DNAH10: variants seen among roughly 807,000 people sequenced by gnomAD.
The protein encoded by DNAH10 is axonemal beta dynein heavy chain 10.
DNAH10 carries 348 observed loss-of-function variants against 506.6 expected under a neutral mutation model. The observed-to-expected ratio is 0.69, with a 90% CI of 0.63 to 0.75. DNAH10 has a LOEUF of 0.75. Among genes scored for constraint, DNAH10 ranks in the 30% least tolerant of loss-of-function variants. The pLI is 0.00. For missense variants in DNAH10, 5,179 were observed against 5,787.1 expected, an observed-to-expected ratio of 0.89 and a Z score of 3.41; for synonymous variants, 2,059 against 2,198.6, an observed-to-expected ratio of 0.94 and a Z score of 1.78.
chr12:123,890,586 A>G (rs1952937664), intron 52 of DNAH10, among the ~76,000 whole-genome samples: 1 of 152,086 alleles, frequency 6.6e-6, no homozygotes, highest in African/African-American at 2.4e-5. Flanking sequence ...GCACCCAGCC[A>G]AGATTTATGT....
At chr12:123,871,656 G>A in intron 45 of DNAH10, 54 bp downstream of exon 45, 1 of 1,522,610 alleles carries the variant, frequency 6.6e-7, no homozygotes, top group African/African-American at 1.4e-5. Context: ...TTATTCCAGT[G>A]CATAGCAGCT....
intron 1 of DNAH10, among the ~76,000 whole-genome samples, chr12:123,766,033 T>C (rs1957033181): frequency 6.6e-6 from 1 of 152,116 alleles, no homozygotes; most frequent in African/African-American, 2.4e-5. Context: ...TACATCTATC[T>C]CTGTCTATAC....
chr12:123,898,052 TG>T, intron 55 of DNAH10, 85 bp downstream of exon 55: 1 of 1,323,860 alleles, frequency 7.6e-7, no homozygotes, highest in Non-Finnish European at 1.0e-6. Flanking sequence ...TTTAGTAAGA[TG>T]GGGCATCTTC....
rs754510020 is a variant in DNAH10 at position 123,840,030 on chromosome 12, G to A, written c.5137-1292G>A. 5.3e-5 allele frequency among the ~76,000 whole-genome samples: 8 copies of A among 152,132 alleles called. No individual in the cohort carries two copies. The East Asian group carries it at 7.7e-4, about 15-fold the overall frequency. ...CTGGGCAGGGGCTCTGAGCCTCGGC[G>A]CTGCTGGCATTTGGGGCTGGATGAC... On this transcript the variant is annotated intron_variant, in intron 29 of 78. Coordinates refer to ENST00000673944, the MANE Select transcript of DNAH10 (RefSeq NM_001372106.1).
intron 32 of DNAH10, among the ~76,000 whole-genome samples, chr12:123,847,435 A>G (rs554908438): frequency 4.4e-4 from 67 of 152,228 alleles, no homozygotes; most frequent in Admixed American, 1.8e-3. Flanking sequence ...TGCCATCTGC[A>G]AGCTGGAGGA....
intron 51 of DNAH10, among the ~76,000 whole-genome samples, chr12:123,882,414 A>G (rs1313599666): frequency 1.3e-5 from 2 of 152,206 alleles, no homozygotes; most frequent in Admixed American, 6.5e-5. Flanking sequence ...AGACCATACA[A>G]TCCACACATT....
Position 123,913,254 on chromosome 12 carries a change from A to G in DNAH10, c.10291A>G (p.Met3431Val). The stretch of plus-strand genomic sequence containing the variant: ...GAAGCTGCAGGAAGAAGCCGAGATC[A>G]TGGAGAGGCGGCTGATTGCCGCAGA... Reference protein sequence around the residue: ...KQKLQEEAEIMERRLIAADKL... With the variant: ...KQKLQEEAEIVERRLIAADKL... The change falls in exon 60 of 79, where the codon ATG becomes GTG. Residue 3431 changes from methionine to valine, a missense_variant. Coordinates refer to ENST00000673944, the MANE Select transcript of DNAH10 (RefSeq NM_001372106.1). The surrounding 1 kb of genome is among the most constrained non-coding windows in gnomAD (Gnocchi z 5.1). The G allele has an allele frequency of 6.2e-7, 1 of 1,609,184 alleles. No homozygotes were observed. The highest frequency in any genetic ancestry group is 8.5e-7 in the Non-Finnish European group (1 of 1,177,968).
At chr12:123,877,149 C>T (rs1051019289) in intron 47 of DNAH10, among the ~76,000 whole-genome samples, 2 of 152,158 alleles carry the variant, frequency 1.3e-5, no homozygotes, top group Admixed American at 6.6e-5. Flanking sequence ...TCCCAGGAAC[C>T]GTGACTCTAC....
intron 39 of DNAH10, among the ~76,000 whole-genome samples, chr12:123,862,886 C>A (rs60712952): frequency 0.014 from 2,098 of 152,060 alleles, 29 homozygotes; most frequent in East Asian, 0.057. Context: ...GGGAAGGGGG[C>A]ATTTTATCTG....
At chr12:123,836,146 A>G (rs1297923287) in intron 28 of DNAH10, among the ~76,000 whole-genome samples, 4 of 152,248 alleles carry the variant, frequency 2.6e-5, no homozygotes, top group African/African-American at 9.6e-5. Flanking sequence ...TAACATGTCA[A>G]TATATTCCTT....
At chr12:123,877,714 G>GT (rs746203280) in intron 47 of DNAH10, 22 bp from the exon 48 acceptor site, 30 of 1,603,906 alleles carry the variant, frequency 1.9e-5, no homozygotes, top group Non-Finnish European at 2.5e-5. Context: ...TGTGTTGGGG[G>GT]GGGTGTCTTT....
At chr12:123,887,418 T>G in intron 52 of DNAH10, 105 bp downstream of exon 52, 1 of 1,342,056 alleles carries the variant, frequency 7.5e-7, no homozygotes, top group Non-Finnish European at 9.9e-7. Flanking sequence ...GGTAGCCCTG[T>G]GCGGGTGTAC....
At chr12:123,795,638 T>C (rs1253018725) in intron 12 of DNAH10, among the ~76,000 whole-genome samples, 1 of 152,224 alleles carries the variant, frequency 6.6e-6, no homozygotes, top group Admixed American at 6.5e-5. Flanking sequence ...ATCAGCTGAC[T>C]GACAACATTA....
At chr12:123,852,756 T>C (rs1337872751) in intron 35 of DNAH10, among the ~76,000 whole-genome samples, 1 of 152,110 alleles carries the variant, frequency 6.6e-6, no homozygotes, top group Non-Finnish European at 1.5e-5. Context: ...ATATTTTTAG[T>C]AGAGACAGGG....
At position 123,919,069 on chromosome 12, in the gene DNAH10, C is replaced by A; in HGVS notation, c.11506+120C>A. ...AAATAGCATTTTTTCTTTTTTCTTT[C>A]TTTCTTTCTTTTTCTTTTTTTTTTG... On this transcript the variant is annotated intron_variant, in intron 65 of 78. Coordinates refer to ENST00000673944, the MANE Select transcript of DNAH10 (RefSeq NM_001372106.1). The surrounding 1 kb of genome is among the most constrained non-coding windows in gnomAD (Gnocchi z 4.9). 2 of 1,274,622 alleles carry A rather than the reference C, an allele frequency of 1.6e-6. No homozygotes were observed. Among genetic ancestry groups the A allele is most frequent in the Admixed American group, 2.6e-5 (1 of 37,950 alleles). The allele number at this position is 1,274,622 out of a possible 1,614,324, so 79.0% of individuals were successfully genotyped here.
At chr12:123,889,237 G>A (rs1187889495) in intron 52 of DNAH10, among the ~76,000 whole-genome samples, 5 of 152,150 alleles carry the variant, frequency 3.3e-5, no homozygotes, top group Admixed American at 1.3e-4. Flanking sequence ...ATGCTTCTGC[G>A]TGCCACTATC....
At chr12:123,832,499 A>G (rs1243076128) in intron 26 of DNAH10, among the ~76,000 whole-genome samples, 2 of 152,072 alleles carry the variant, frequency 1.3e-5, no homozygotes, top group African/African-American at 4.8e-5. Flanking sequence ...ACATATACAT[A>G]TGTATCAATA....
At position 123,935,499 on chromosome 12, in the gene DNAH10, C is replaced by T. The variant is rs1247957471; in HGVS notation, c.*18C>T. The T allele has an allele frequency of 1.3e-6, 2 of 1,566,916 alleles. No homozygotes were observed. The highest frequency in any genetic ancestry group is 1.7e-6 in the Non-Finnish European group (2 of 1,144,544). On this transcript the variant is annotated 3_prime_UTR_variant, in exon 79 of 79. Transcript: ENST00000673944. Reference sequence around the variant, plus strand: ...CTGATTAACCTTTGGGTGAAGAAAACTGCTTAATGAATTCGGAGCCTGGGG... The same window carrying T: ...CTGATTAACCTTTGGGTGAAGAAAATTGCTTAATGAATTCGGAGCCTGGGG...
chr12:123,927,946 G>A (rs1955019200), intron 69 of DNAH10: 1 of 180,728 alleles, frequency 5.5e-6, no homozygotes, highest in Non-Finnish European at 1.1e-5. Context: ...TAGCTTGTTT[G>A]TGCTTTGAAT....
Sources: gnomAD v4.1 joint callset for allele counts (sites outside exome capture counted in the v4.1 genomes callset) on GRCh38, gnomAD v4.1.1 for gene constraint, Gnocchi (gnomAD v3.1) non-coding constraint, MANE v1.5 for transcripts, NCBI Gene and HGNC (gene_info 2026-07-23, HGNC 2026-07-21) for gene names.